Variants in ZCCHC9 observed in about 807,000 individuals in gnomAD.
ZCCHC9 encodes the protein zinc finger CCHC-type containing 9, also known as zinc finger CCHC domain-containing protein 9.
A neutral mutation model predicts 30.8 loss-of-function variants in ZCCHC9; 18 were observed. The ratio of observed to expected loss-of-function variants is 0.58; its 90% CI spans 0.40 to 0.87. ZCCHC9 has a LOEUF of 0.87. ZCCHC9 is among the 40% of genes least tolerant of loss of function. The pLI is 0.00. For missense variants in ZCCHC9, 279 were observed against 331.2 expected (o/e 0.84, Z 1.22); for synonymous variants, 94 against 106.7 (o/e 0.88, Z 0.73).
chr5:81,312,629 C>G lies in ZCCHC9; in HGVS notation c.783C>G (p.Pro261=), dbSNP rs1758326696. The G allele has an allele frequency of 2.5e-6, 4 of 1,613,452 alleles. No individual in the cohort carries two copies. Among genetic ancestry groups the G allele is most frequent in the Non-Finnish European group, 2.5e-6 (3 of 1,179,720 alleles). Reference sequence around the variant, plus strand: ...TGGATGTACCTAAACCGCAAAAACCCAAAACAAAAATACCTAAAGTTGTTA... The same window carrying G: ...TGGATGTACCTAAACCGCAAAAACCGAAAACAAAAATACCTAAAGTTGTTA... ...EILDVPKPQK[P]KTKIPKVVNF Residue 261 remains proline (P), a synonymous_variant, in exon 6 of 6, where the codon CCC becomes CCG. Coordinates refer to ENST00000407610, the MANE Select transcript of ZCCHC9 (RefSeq NM_001131035.2).
At chr5:81,306,489 T>G (rs1758087486) in intron 2 of ZCCHC9, among the ~76,000 whole-genome samples, 1 of 152,216 alleles carries the variant, frequency 6.6e-6, no homozygotes, top group Admixed American at 6.5e-5. Context: ...ATAGGCGGTA[T>G]GGTGAATCAC....
At chr5:81,308,429 C>A in intron 2 of ZCCHC9, 132 bp from the exon 3 acceptor site, 2 of 1,200,986 alleles carry the variant, frequency 1.7e-6, no homozygotes, top group South Asian at 4.0e-5. Flanking sequence ...AAGCTTTTTT[C>A]TACAAATATT....
chr5:81,311,904 C>T (rs1758299994), intron 5 of ZCCHC9, among the ~76,000 whole-genome samples: 1 of 152,108 alleles, frequency 6.6e-6, no homozygotes, highest in Non-Finnish European at 1.5e-5. Flanking sequence ...AGCAAGAAGA[C>T]AGTAGGATAG....
Position 81,301,658 on chromosome 5 carries a change from G to A in ZCCHC9, c.-58G>A, listed in dbSNP as rs1173098389. On this transcript the variant is annotated 5_prime_UTR_variant, in exon 1 of 6. Coordinates refer to ENST00000407610, the MANE Select transcript of ZCCHC9 (RefSeq NM_001131035.2). ...GGCTCGCCAACTCGGCTGCTCTGGGGGATTCGTGCGCGGTAAGAAGCTGCG... is the reference window on the plus strand; with the variant it reads ...GGCTCGCCAACTCGGCTGCTCTGGGAGATTCGTGCGCGGTAAGAAGCTGCG... 6.6e-6 allele frequency: 1 copy of A among 152,470 alleles called. No homozygotes were observed. Among genetic ancestry groups the A allele is most frequent in the African/African-American group, 2.4e-5 (1 of 41,412 alleles). 9.4% of individuals were successfully genotyped at this position (152,470 alleles called of 1,614,324 possible). A position where few individuals can be genotyped will look rare whatever the true frequency, so the allele number is the denominator to read the frequency against.
intron 4 of ZCCHC9, among the ~76,000 whole-genome samples, chr5:81,310,484 AAAAG>A (rs1016960313): frequency 2.6e-5 from 4 of 152,212 alleles, no homozygotes; most frequent in Admixed American, 2.0e-4. Flanking sequence ...GGGGAAAAAA[AAAAG>A]AAAATTCAGC....
chr5:81,306,753 C>T (rs1200979548), intron 2 of ZCCHC9, among the ~76,000 whole-genome samples: 2 of 152,036 alleles, frequency 1.3e-5, no homozygotes, highest in Non-Finnish European at 2.9e-5. Context: ...CTACATTAAA[C>T]TTAAGGACCA....
At chr5:81,305,232 T>C in intron 2 of ZCCHC9, 91 bp downstream of exon 2, 1 of 1,476,610 alleles carries the variant, frequency 6.8e-7, no homozygotes, top group Non-Finnish European at 9.0e-7. Context: ...CCAGCTCTGG[T>C]TACCATTATG....
rs1255285269 is a variant in ZCCHC9, at chr5:81,308,955, CT to C, written c.549del (p.Phe183LeufsTer40). Reference sequence around the variant, plus strand: ...CTGTTGATTTTTACAGGCGAATTTCCTTTTGCAAAATGTTTTGTTTGTGGAG... The same window carrying C: ...CTGTTGATTTTTACAGGCGAATTTCCTTTGCAAAATGTTTTGTTTGTGGAG... ...AKVDPALGEFPFAKCFVCGEM... is the reference protein window; with the variant it reads ...AKVDPALGEFXFAKCFVCGEM... On this transcript the variant is annotated frameshift_variant, in exon 4 of 6. Coordinates refer to ENST00000407610, the MANE Select transcript of ZCCHC9 (RefSeq NM_001131035.2). LOFTEE classifies it high-confidence loss of function. 6.2e-7 allele frequency: 1 copy of C among 1,612,584 alleles called. No individual in the cohort carries two copies. Among genetic ancestry groups the C allele is most frequent in the South Asian group, 1.1e-5 (1 of 90,690 alleles).
chr5:81,305,838 A>G (rs1758069941), intron 2 of ZCCHC9, among the ~76,000 whole-genome samples: 1 of 152,234 alleles, frequency 6.6e-6, no homozygotes, highest in Non-Finnish European at 1.5e-5. Context: ...AAAATTATGA[A>G]GAAGATGAAG....
intron 2 of ZCCHC9, chr5:81,308,342 G>A: frequency 2.1e-6 from 1 of 474,672 alleles, no homozygotes; most frequent in Non-Finnish European, 3.6e-6. Flanking sequence ...TGAGATTTAT[G>A]GATTTATTGA....
intron 4 of ZCCHC9, among the ~76,000 whole-genome samples, chr5:81,310,973 TCCTACTTCTCAAGG>T (rs1758264694): frequency 1.3e-5 from 2 of 152,216 alleles, no homozygotes; most frequent in South Asian, 4.1e-4. Flanking sequence ...CATTTCTTTT[TCCTACTTCTCAAGG>T]CCAGGTGCAA....
intron 1 of ZCCHC9, chr5:81,304,174 T>A (rs1758030079): frequency 6.6e-6 from 1 of 152,250 alleles, no homozygotes; most frequent in African/African-American, 2.4e-5. Flanking sequence ...CCTTGATTAG[T>A]AAGAGGAAGC....
At chr5:81,308,813 T>C in intron 3 of ZCCHC9, 102 bp downstream of exon 3, 1 of 1,457,086 alleles carries the variant, frequency 6.9e-7, no homozygotes. Flanking sequence ...TGCCACTTAG[T>C]ATTTGGAAAT....
At position 81,308,908 on chromosome 5, in the gene ZCCHC9, T is replaced by C. The variant is rs767352079; in HGVS notation, c.536-38T>C. 8 of 1,547,406 alleles carry C rather than the reference T, an allele frequency of 5.2e-6. No homozygotes were observed. In the Admixed American group the frequency reaches 1.5e-4, roughly 29 times the overall value. The stretch of plus-strand genomic sequence containing the variant: ...AATGTTAATTTTATGACTTGCCATA[T>C]GTATTGTCAACTGAATAGGAACTGT... On this transcript the variant is annotated intron_variant, in intron 3 of 5. Transcript: ENST00000407610.
intron 5 of ZCCHC9, among the ~76,000 whole-genome samples, chr5:81,311,571 T>A (rs1445812578): frequency 6.6e-6 from 1 of 152,184 alleles, no homozygotes. Context: ...ATAGAGCCAA[T>A]TCTGTTACTT....
intron 2 of ZCCHC9, 86 bp downstream of exon 2, chr5:81,305,227 T>TGG: frequency 6.7e-7 from 1 of 1,487,982 alleles, no homozygotes; most frequent in Non-Finnish European, 8.9e-7. Context: ...CTTAGCCAGC[T>TGG]CTGGTTACCA....
chr5:81,305,326 TACA>T (rs112808045), intron 2 of ZCCHC9, among the ~76,000 whole-genome samples, 185 bp downstream of exon 2: 2,716 of 152,308 alleles, frequency 0.018, 74 homozygotes, highest in African/African-American at 0.061. Flanking sequence ...GGTTAATTAT[TACA>T]ACAACACAGC....
chr5:81,308,022 A>ATCTATCTATCTATCTATCT (rs571429540), intron 2 of ZCCHC9, among the ~76,000 whole-genome samples: 1 of 68,348 alleles, frequency 1.5e-5, no homozygotes, highest in Non-Finnish European at 2.8e-5. Flanking sequence ...AAAAAAAAAA[A>ATCTATCTATCTATCTATCT]ATCTATCTAT....
intron 2 of ZCCHC9, among the ~76,000 whole-genome samples, chr5:81,306,530 C>T (rs759536455): frequency 1.3e-5 from 2 of 152,018 alleles, no homozygotes; most frequent in South Asian, 2.1e-4. Context: ...CTGTTATGAC[C>T]GCTTAAGAAA....
Sources: gnomAD v4.1 joint callset for allele counts (sites outside exome capture counted in the v4.1 genomes callset) on GRCh38, gnomAD v4.1.1 for gene constraint, MANE v1.5 for transcripts, NCBI Gene and HGNC (gene_info 2026-07-23, HGNC 2026-07-21) for gene names.